Variants in EXOC6B observed in about 807,000 individuals in gnomAD.
The protein encoded by EXOC6B is SEC15 homolog B.
Under a neutral mutation model 113.5 loss-of-function variants are expected in EXOC6B, and 54 were observed. The observed-to-expected ratio is 0.48, with a 90% CI of 0.38 to 0.60. The LOEUF is 0.60. Among genes scored for constraint, EXOC6B ranks in the 20% least tolerant of loss-of-function variants. EXOC6B has a pLI of 0.00. For missense variants in EXOC6B, 797 were observed against 977.5 expected, an observed-to-expected ratio of 0.82 and a Z score of 2.46; for synonymous variants, 357 against 339.0, an observed-to-expected ratio of 1.05 and a Z score of -0.58.
intron 17 of EXOC6B, among the ~76,000 whole-genome samples, chr2:72,470,073 G>A (rs1469460046): frequency 6.6e-6 from 1 of 151,714 alleles, no homozygotes; most frequent in Admixed American, 6.6e-5. Flanking sequence ...TCTTTTTTTA[G>A]TTCCCTATGA....
chr2:72,307,656 T>G (rs774414988), intron 20 of EXOC6B, among the ~76,000 whole-genome samples: 1 of 152,246 alleles, frequency 6.6e-6, no homozygotes, highest in Non-Finnish European at 1.5e-5. Flanking sequence ...CAATGTCTAC[T>G]GTCTCTGATA....
intron 20 of EXOC6B, among the ~76,000 whole-genome samples, chr2:72,259,731 G>A (rs1683587264): frequency 6.6e-6 from 1 of 152,154 alleles, no homozygotes; most frequent in Admixed American, 6.6e-5. Context: ...ACCCTAGCAT[G>A]CCATGCTGGA....
chr2:72,401,584 T>TATATATATATACATATATATATATATAC (rs1693253744), intron 18 of EXOC6B, among the ~76,000 whole-genome samples: 1 of 17,670 alleles, frequency 5.7e-5, no homozygotes, highest in Non-Finnish European at 9.4e-5. Context: ...TATATATACA[T>TATATATATATACATATATATATATATAC]ATATATATAT....
intron 11 of EXOC6B, among the ~76,000 whole-genome samples, chr2:72,507,627 T>C (rs1700663075): frequency 6.6e-6 from 1 of 152,106 alleles, no homozygotes; most frequent in Non-Finnish European, 1.5e-5. Flanking sequence ...AGCTATCACC[T>C]CTTTAATCCC....
At chr2:72,489,338 C>T (rs907543445) in intron 16 of EXOC6B, among the ~76,000 whole-genome samples, 1 of 152,058 alleles carries the variant, frequency 6.6e-6, no homozygotes, top group Non-Finnish European at 1.5e-5. Context: ...GGAATCAGTG[C>T]CTAATAGAGA....
chr2:72,815,300 G>A (rs1686165994), intron 1 of EXOC6B, among the ~76,000 whole-genome samples: 1 of 152,134 alleles, frequency 6.6e-6, no homozygotes, highest in Admixed American at 6.5e-5. Context: ...CAGCAGCCTG[G>A]ACAACAGGGC....
chr2:72,508,815 C>G (rs1347351137), intron 11 of EXOC6B, among the ~76,000 whole-genome samples: 1 of 151,756 alleles, frequency 6.6e-6, no homozygotes, highest in Non-Finnish European at 1.5e-5. Context: ...AATAAATAAA[C>G]AAAAATTAAG....
chr2:72,743,292 T>G (rs1007404470), intron 1 of EXOC6B, among the ~76,000 whole-genome samples: 1 of 152,012 alleles, frequency 6.6e-6, no homozygotes, highest in African/African-American at 2.4e-5. Flanking sequence ...AAACAGACAC[T>G]CCACACAGTA....
At chr2:72,253,676 A>T (rs1268920648) in intron 20 of EXOC6B, among the ~76,000 whole-genome samples, 1 of 152,150 alleles carries the variant, frequency 6.6e-6, no homozygotes, top group African/African-American at 2.4e-5. Flanking sequence ...GAAGGGAACA[A>T]GAGGCACTGG....
At chr2:72,466,975 C>T (rs1311381269) in intron 17 of EXOC6B, among the ~76,000 whole-genome samples, 1 of 152,128 alleles carries the variant, frequency 6.6e-6, no homozygotes, top group East Asian at 1.9e-4. Context: ...AAATTTCTAT[C>T]CTTTGACCAA....
intron 18 of EXOC6B, among the ~76,000 whole-genome samples, chr2:72,408,719 G>A (rs1573054652): frequency 1.3e-5 from 2 of 152,138 alleles, no homozygotes; most frequent in African/African-American, 2.4e-5. Context: ...ATTAAGTTAA[G>A]ATGGATTAAA....
rs543077371 is a variant in EXOC6B at position 72,312,400 on chromosome 2, G to A, written c.2196+22547C>T. Among the ~76,000 whole-genome samples the A allele has an allele frequency of 4.8e-4, 73 of 151,802 alleles. No individual in the cohort carries two copies. In the South Asian group the frequency reaches 0.012, roughly 26 times the overall value. ...ATTAAAAGAGTTGGGTGGATCCTGC[G>A]TCATAAGCTGAGGATCATTAGTAAT... On this transcript the variant is annotated intron_variant, in intron 20 of 21. Transcript: ENST00000272427.
Position 72,401,394 on chromosome 2 carries a change from G to A in EXOC6B, c.1981-21524C>T, listed in dbSNP as rs188126293. Among the ~76,000 whole-genome samples the A allele has an allele frequency of 5.5e-3, 795 of 145,562 alleles. 11 individuals are homozygous for A. Among genetic ancestry groups the A allele is most frequent in the African/African-American group, 0.017 (691 of 39,962 alleles). ...GGAGAATCACTTGAACCCAGGAGGC[G>A]GAGGTTGCAGTGAGCCGAGATCATG... On this transcript the variant is annotated intron_variant, in intron 18 of 21. Transcript: ENST00000272427.
chr2:72,700,610 T>G (rs1233876496), intron 6 of EXOC6B, among the ~76,000 whole-genome samples: 1 of 152,210 alleles, frequency 6.6e-6, no homozygotes, highest in East Asian at 1.9e-4. Context: ...AAATGGACAG[T>G]GTTGACGACT....
At chr2:72,673,743 TTTTA>T (rs946052822) in intron 6 of EXOC6B, among the ~76,000 whole-genome samples, 50 of 149,814 alleles carry the variant, frequency 3.3e-4, no homozygotes, top group African/African-American at 1.1e-3. Context: ...TATTTTATTT[TTTTA>T]TTTATTTTAT....
At chr2:72,498,400 G>A in intron 13 of EXOC6B, 54 bp downstream of exon 13, 1 of 1,224,698 alleles carries the variant, frequency 8.2e-7, no homozygotes, top group Non-Finnish European at 1.2e-6. Context: ...AAATACATGT[G>A]TGTACACTAA....
intron 18 of EXOC6B, among the ~76,000 whole-genome samples, chr2:72,420,829 T>C (rs952180546): frequency 6.6e-6 from 1 of 152,198 alleles, no homozygotes; most frequent in Non-Finnish European, 1.5e-5. Flanking sequence ...TCCACAATGG[T>C]TGAACTAATT....
At chr2:72,671,745 GAC>G (rs1395394964) in intron 6 of EXOC6B, among the ~76,000 whole-genome samples, 3 of 104,884 alleles carry the variant, frequency 2.9e-5, no homozygotes, top group Non-Finnish European at 5.5e-5. Context: ...GAGAGAGAGA[GAC>G]AGAGAAAGAA....
At chr2:72,536,060 T>C (rs1052895860) in intron 8 of EXOC6B, among the ~76,000 whole-genome samples, 2 of 152,232 alleles carry the variant, frequency 1.3e-5, no homozygotes, top group Non-Finnish European at 2.9e-5. Flanking sequence ...TAACTTTTTA[T>C]AGGGAGTCAC....
Sources: gnomAD v4.1 joint callset for allele counts (sites outside exome capture counted in the v4.1 genomes callset) on GRCh38, gnomAD v4.1.1 for gene constraint, MANE v1.5 for transcripts, NCBI Gene and HGNC (gene_info 2026-07-23, HGNC 2026-07-21) for gene names.